FAM135B: variants seen among roughly 807,000 people sequenced by gnomAD.
FAM135B encodes the protein protein FAM135B.
In FAM135B, 43 loss-of-function variants were observed where a neutral mutation model predicts 127.7. The observed-to-expected ratio is 0.34, with a 90% CI of 0.26 to 0.43. The LOEUF (loss-of-function observed/expected upper bound fraction) is 0.43. FAM135B is among the 20% of genes least tolerant of loss of function. FAM135B has a pLI of 1.00. For missense variants in FAM135B, 1,558 were observed against 1,725.6 expected, an observed-to-expected ratio of 0.90 and a Z score of 1.72; for synonymous variants, 670 against 665.1, an observed-to-expected ratio of 1.01 and a Z score of -0.11.
At chr8:138,142,600 G>A (rs1048622257) in intron 16 of FAM135B, among the ~76,000 whole-genome samples, 4 of 151,932 alleles carry the variant, frequency 2.6e-5, no homozygotes, top group East Asian at 1.9e-4. Context: ...CACCGCGCCC[G>A]GCCTTTTTCA....
intron 1 of FAM135B, among the ~76,000 whole-genome samples, chr8:138,380,609 T>C (rs1831791927): frequency 6.6e-6 from 1 of 151,494 alleles, no homozygotes; most frequent in Non-Finnish European, 1.5e-5. Context: ...GAAAAGGGAG[T>C]GGTTTGCCCA....
intron 1 of FAM135B, among the ~76,000 whole-genome samples, chr8:138,396,805 G>A (rs1261249408): frequency 6.6e-6 from 1 of 152,080 alleles, no homozygotes; most frequent in Non-Finnish European, 1.5e-5. Flanking sequence ...CAGCCTGTGT[G>A]GCTTTGCAAA....
At chr8:138,276,689 C>G (rs1433755647) in intron 3 of FAM135B, among the ~76,000 whole-genome samples, 2 of 152,216 alleles carry the variant, frequency 1.3e-5, no homozygotes, top group African/African-American at 4.8e-5. Context: ...GTACTGTCTC[C>G]CCTTTCCTCT....
chr8:138,369,657 C>T (rs529167839), intron 1 of FAM135B, among the ~76,000 whole-genome samples: 2 of 152,290 alleles, frequency 1.3e-5, no homozygotes, highest in South Asian at 4.1e-4. Flanking sequence ...CCTGGCCCTG[C>T]CCAACACACC....
intron 7 of FAM135B, among the ~76,000 whole-genome samples, chr8:138,205,660 T>C (rs1014652932): frequency 6.6e-6 from 1 of 152,174 alleles, no homozygotes; most frequent in African/African-American, 2.4e-5. Flanking sequence ...CTCTGGATTG[T>C]GGTGACCAGC....
At chr8:138,475,537 AC>A (rs1399201906) in intron 1 of FAM135B, among the ~76,000 whole-genome samples, 3 of 151,996 alleles carry the variant, frequency 2.0e-5, no homozygotes, top group African/African-American at 7.3e-5. Flanking sequence ...CCAACCCAAA[AC>A]CTCAGAGTCA....
rs77561551 is a variant in FAM135B, at chr8:138,146,025, T to C, written c.3474A>G (p.Val1158=). ...LDGNSADLRL[V]KTFIELGLPG... is the part of the protein sequence containing the mutation. ...GGAGCCCCAGTTCTATGAAAGTCTT[T>C]ACCAGCCGGAGGTCTGCACTGTTCC... The change falls in exon 15 of 20, where the codon GTA becomes GTG. Residue 1158 remains valine, a synonymous_variant. Transcript: ENST00000395297. 33 of 1,608,736 alleles carry C rather than the reference T, an allele frequency of 2.1e-5. No individual in the cohort carries two copies. The East Asian group carries it at 4.2e-4, about 21-fold the overall frequency.
chr8:138,293,106 C>A lies in FAM135B; in HGVS notation c.157+17735G>T, dbSNP rs536577809. ...CTCAGAAATAAAGCCAAATTTACAA[C>A]TAACTGATCTTCAGCAAAGCCTACA... On this transcript the variant is annotated intron_variant, in intron 3 of 19. Coordinates refer to ENST00000395297, the MANE Select transcript of FAM135B (RefSeq NM_015912.4). 9.2e-5 allele frequency among the ~76,000 whole-genome samples: 14 copies of A among 152,156 alleles called. 1 individual carries two copies. The South Asian group carries it at 1.9e-3, about 20-fold the overall frequency.
At chr8:138,186,254 A>G (rs1815562457) in intron 9 of FAM135B, among the ~76,000 whole-genome samples, 1 of 152,206 alleles carries the variant, frequency 6.6e-6, no homozygotes, top group African/African-American at 2.4e-5. Flanking sequence ...TTGAGCTGCA[A>G]GTAAGTCCTG....
intron 2 of FAM135B, among the ~76,000 whole-genome samples, chr8:138,352,394 T>C (rs1467148084): frequency 6.6e-6 from 1 of 152,184 alleles, no homozygotes; most frequent in African/African-American, 2.4e-5. Context: ...CTGTCTAAAA[T>C]AAACATCACC....
intron 2 of FAM135B, among the ~76,000 whole-genome samples, chr8:138,341,439 G>C (rs749953945): frequency 4.6e-5 from 7 of 152,212 alleles, no homozygotes; most frequent in Non-Finnish European, 1.0e-4. Flanking sequence ...AGTTAAAATA[G>C]TTAGTGTTTA....
Position 138,152,244 on chromosome 8 carries a change from T to A in FAM135B, c.2231A>T (p.Gln744Leu). The change falls in exon 13 of 20, where the codon CAG (glutamine) becomes CTG (leucine). Residue 744 changes from glutamine (Q) to leucine (L), a missense_variant. Coordinates refer to ENST00000395297, the MANE Select transcript of FAM135B (RefSeq NM_015912.4). ...ESNTSLPSGI[Q>L]ASLTSISSLP... ...AGAGCTAATGGAGGTGAGAGAAGCCTGGATGCCGCTTGGCAAACTTGTGTT... is the reference window on the plus strand; with the variant it reads ...AGAGCTAATGGAGGTGAGAGAAGCCAGGATGCCGCTTGGCAAACTTGTGTT... The A allele has an allele frequency of 6.2e-7, 1 of 1,614,146 alleles. No homozygotes were observed. The highest frequency in any genetic ancestry group is 8.5e-7 in the Non-Finnish European group (1 of 1,180,038).
chr8:138,163,921 T>C (rs1202844429), intron 12 of FAM135B, among the ~76,000 whole-genome samples: 2 of 152,160 alleles, frequency 1.3e-5, no homozygotes, highest in Non-Finnish European at 2.9e-5. Context: ...CTCAAACTCC[T>C]GGGCTCAAGC....
chr8:138,457,371 A>C (rs779428794), intron 1 of FAM135B, among the ~76,000 whole-genome samples: 3 of 152,106 alleles, frequency 2.0e-5, no homozygotes, highest in Non-Finnish European at 2.9e-5. Flanking sequence ...TCTAGGCTAG[A>C]GTTTCTCAAG....
At chr8:138,158,995 G>A (rs1242473725) in intron 12 of FAM135B, among the ~76,000 whole-genome samples, 2 of 151,632 alleles carry the variant, frequency 1.3e-5, no homozygotes, top group Non-Finnish European at 2.9e-5. Flanking sequence ...ATGCACGGCC[G>A]GGCGTGGTGG....
chr8:138,388,804 C>A (rs1832370452), intron 1 of FAM135B, among the ~76,000 whole-genome samples: 1 of 152,116 alleles, frequency 6.6e-6, no homozygotes, highest in Non-Finnish European at 1.5e-5. Context: ...CTCAGTAGGA[C>A]ATTACAATGG....
At chr8:138,195,201 T>C in intron 9 of FAM135B, 57 bp downstream of exon 9, 2 of 1,555,576 alleles carry the variant, frequency 1.3e-6, no homozygotes, top group Non-Finnish European at 1.8e-6. Context: ...AGCAACTGCA[T>C]TTGCCTTGCA....
intron 1 of FAM135B, among the ~76,000 whole-genome samples, chr8:138,469,905 C>A (rs1009238098): frequency 1.3e-5 from 2 of 152,156 alleles, no homozygotes; most frequent in African/African-American, 2.4e-5. Context: ...ACTAGCACAT[C>A]GGCTGACATG....
chr8:138,301,176 C>T (rs770168019), intron 3 of FAM135B, among the ~76,000 whole-genome samples: 6 of 152,110 alleles, frequency 3.9e-5, no homozygotes, highest in Non-Finnish European at 5.9e-5. Context: ...CTGCACTATG[C>T]GATGTGGACC....
Sources: gnomAD v4.1 joint callset for allele counts (sites outside exome capture counted in the v4.1 genomes callset) on GRCh38, gnomAD v4.1.1 for gene constraint, MANE v1.5 for transcripts, NCBI Gene and HGNC (gene_info 2026-07-23, HGNC 2026-07-21) for gene names.